CDH12: variants seen among roughly 807,000 people sequenced by gnomAD.
CDH12 encodes cadherin 12.
A neutral mutation model predicts 74.1 loss-of-function variants in CDH12; 41 were observed. The ratio of observed to expected loss-of-function variants is 0.55; its 90% CI spans 0.43 to 0.72. CDH12 has a LOEUF of 0.72. Among genes scored for constraint, CDH12 ranks in the 30% least tolerant of loss-of-function variants. The pLI is 0.00. For missense variants in CDH12, 945 were observed against 977.2 expected, an observed-to-expected ratio of 0.97 and a Z score of 0.44; for synonymous variants, 399 against 355.0, an observed-to-expected ratio of 1.12 and a Z score of -1.39.
At chr5:22,492,478 G>C (rs549638502) in intron 2 of CDH12, among the ~76,000 whole-genome samples, 2 of 151,734 alleles carry the variant, frequency 1.3e-5, no homozygotes, top group Admixed American at 6.6e-5. Flanking sequence ...CTCCCGAGTA[G>C]CTGGGATTAC....
At chr5:22,034,121 G>A (rs1054386115) in intron 5 of CDH12, among the ~76,000 whole-genome samples, 3 of 152,060 alleles carry the variant, frequency 2.0e-5, no homozygotes, top group African/African-American at 4.8e-5. Flanking sequence ...TCGGCTCACT[G>A]CAACCTTCGC....
chr5:22,059,997 A>G (rs1741075317), intron 5 of CDH12, among the ~76,000 whole-genome samples: 1 of 152,154 alleles, frequency 6.6e-6, no homozygotes, highest in South Asian at 2.1e-4. Flanking sequence ...CAAGAAGGTA[A>G]TTTGTAGAAA....
chr5:21,917,721 G>C (rs1252059417), intron 6 of CDH12, among the ~76,000 whole-genome samples: 1 of 152,164 alleles, frequency 6.6e-6, no homozygotes, highest in African/African-American at 2.4e-5. Context: ...ATGTGGAACT[G>C]TCTGGTTAGG....
chr5:22,339,081 A>G (rs1055076712), intron 3 of CDH12, among the ~76,000 whole-genome samples: 4 of 152,222 alleles, frequency 2.6e-5, no homozygotes, highest in African/African-American at 9.6e-5. Context: ...TGAGCAGAGA[A>G]ATCAGCCAAG....
At chr5:22,574,564 A>C (rs1739690942) in intron 1 of CDH12, among the ~76,000 whole-genome samples, 1 of 152,192 alleles carries the variant, frequency 6.6e-6, no homozygotes, top group South Asian at 2.1e-4. Flanking sequence ...ATTATGTAAT[A>C]AATTAATGAC....
chr5:22,100,557 C>T (rs1344411514), intron 4 of CDH12, among the ~76,000 whole-genome samples: 1 of 151,506 alleles, frequency 6.6e-6, no homozygotes. Flanking sequence ...AATTACAAAC[C>T]TTCAAATATG....
chr5:21,760,585 G>C lies in CDH12; in HGVS notation c.1606C>G (p.Pro536Ala). The stretch of plus-strand genomic sequence containing the variant: ...CTGAAGTCACGAACTGTAAAATTTG[G>C]TTTGATAGCAGCCTCAGGTGATAAT... Reference protein sequence around the residue: ...FRLSPEAAIKPNFTVRDFRNN... With the variant: ...FRLSPEAAIKANFTVRDFRNN... The change falls in exon 13 of 15, where the codon CCA becomes GCA. Residue 536 changes from proline to alanine, a missense_variant. By Grantham distance (27) the Pro-to-Ala change is conservative. Around this residue, in one of 3 missense-constraint regions of CDH12, gnomAD observed 791 missense variants for 792.8 expected, o/e 1.00. Transcript: ENST00000382254. 1 of 1,605,240 alleles carries C rather than the reference G, an allele frequency of 6.2e-7. No individual in the cohort carries two copies. Among genetic ancestry groups the C allele is most frequent in the Non-Finnish European group, 8.5e-7 (1 of 1,172,834 alleles).
chr5:21,909,814 G>C (rs1204732989), intron 6 of CDH12, among the ~76,000 whole-genome samples: 1 of 152,040 alleles, frequency 6.6e-6, no homozygotes, highest in Non-Finnish European at 1.5e-5. Context: ...AAAAAGACAT[G>C]GCTTTGTCCT....
At chr5:21,839,347 T>C (rs944278586) in intron 8 of CDH12, among the ~76,000 whole-genome samples, 1 of 152,206 alleles carries the variant, frequency 6.6e-6, no homozygotes. Context: ...GATACATTTA[T>C]ATGCAAAAGT....
chr5:22,059,630 A>G (rs753841099), intron 5 of CDH12, among the ~76,000 whole-genome samples: 2 of 152,096 alleles, frequency 1.3e-5, no homozygotes, highest in Non-Finnish European at 2.9e-5. Flanking sequence ...AATGCTCAAC[A>G]CTTTGTAAAC....
At chr5:22,811,323 C>G (rs1460147067) in intron 1 of CDH12, among the ~76,000 whole-genome samples, 1 of 152,088 alleles carries the variant, frequency 6.6e-6, no homozygotes, top group Non-Finnish European at 1.5e-5. Context: ...CAAATCCCAA[C>G]TTAGACAATA....
intron 1 of CDH12, among the ~76,000 whole-genome samples, chr5:22,636,158 A>G (rs1054098641): frequency 5.3e-5 from 8 of 152,148 alleles, no homozygotes; most frequent in African/African-American, 1.9e-4. Flanking sequence ...ACTCATTAAG[A>G]TGGCTATAAT....
chr5:22,659,546 C>T (rs1740237189), intron 1 of CDH12, among the ~76,000 whole-genome samples: 1 of 151,972 alleles, frequency 6.6e-6, no homozygotes, highest in Non-Finnish European at 1.5e-5. Flanking sequence ...ATATATAATT[C>T]TTTATAATTT....
At chr5:22,133,789 A>T (rs1195773329) in intron 4 of CDH12, among the ~76,000 whole-genome samples, 1 of 145,860 alleles carries the variant, frequency 6.9e-6, no homozygotes, top group East Asian at 1.9e-4. Flanking sequence ...GTTGATGGTG[A>T]ACAGTTAAAG....
chr5:21,973,047 TAA>T (rs746404771), intron 6 of CDH12, among the ~76,000 whole-genome samples: 37 of 103,582 alleles, frequency 3.6e-4, no homozygotes, highest in Non-Finnish European at 3.9e-4. Flanking sequence ...CTACAAAAAG[TAA>T]AAAAAAAAAA....
At chr5:21,950,959 T>G (rs1755834045) in intron 6 of CDH12, among the ~76,000 whole-genome samples, 4 of 150,900 alleles carry the variant, frequency 2.7e-5, no homozygotes, top group Non-Finnish European at 4.4e-5. Flanking sequence ...GCTAATTTTT[T>G]TGTGTTTTTA....
intron 6 of CDH12, among the ~76,000 whole-genome samples, chr5:21,909,808 A>T (rs1753789385): frequency 6.6e-6 from 1 of 152,202 alleles, no homozygotes; most frequent in East Asian, 1.9e-4. Flanking sequence ...TATGAAAAAA[A>T]GACATGGCTT....
chr5:22,449,830 C>T (rs568309333), intron 2 of CDH12, among the ~76,000 whole-genome samples: 1 of 152,076 alleles, frequency 6.6e-6, no homozygotes, highest in South Asian at 2.1e-4. Context: ...CAGCATCATA[C>T]TGGAGAAGAG....
chr5:22,805,385 G>C (rs1230477935), intron 1 of CDH12, among the ~76,000 whole-genome samples: 6 of 151,770 alleles, frequency 4.0e-5, no homozygotes, highest in Non-Finnish European at 8.8e-5. Context: ...TTACACATAA[G>C]AGTGAAATAA....
Sources: gnomAD v4.1 joint callset for allele counts (sites outside exome capture counted in the v4.1 genomes callset) on GRCh38, gnomAD v4.1.1 for gene constraint, gnomAD v4.1.1 regional missense constraint, MANE v1.5 for transcripts, NCBI Gene and HGNC (gene_info 2026-07-23, HGNC 2026-07-21) for gene names.